Variants in IQGAP1 observed in about 807,000 individuals in gnomAD.
IQGAP1 encodes ras GTPase-activating-like protein IQGAP1.
In IQGAP1, 66 loss-of-function variants were observed where a neutral mutation model predicts 215.6. The observed-to-expected ratio is 0.31, with a 90% CI of 0.25 to 0.38. IQGAP1 has a LOEUF of 0.38. IQGAP1 is among the 10% of genes least tolerant of loss of function. The pLI is 1.00. For synonymous variants in IQGAP1, 772 were observed against 728.7 expected, an observed-to-expected ratio of 1.06 and a Z score of -0.96; for missense variants, 1,712 against 1,997.1, an observed-to-expected ratio of 0.86 and a Z score of 2.72.
chr15:90,393,393 C>A (rs1292041015), intron 2 of IQGAP1: 4 of 152,078 alleles, frequency 2.6e-5, no homozygotes, highest in Non-Finnish European at 5.9e-5. Flanking sequence ...CTTATCATAC[C>A]TGATCCAATG....
chr15:90,494,573 T>A (rs545583163), intron 35 of IQGAP1, 140 bp from the exon 36 acceptor site: 1 of 570,440 alleles, frequency 1.8e-6, no homozygotes, highest in Non-Finnish European at 3.0e-6. Context: ...TTCTAACATT[T>A]GTTTGCCATT....
In IQGAP1 at chr15:90,454,539, A is replaced by T. The variant is rs759291442; in HGVS notation, c.1599A>T (p.Gln533His). 6.3e-7 allele frequency: 1 copy of T among 1,585,636 alleles called. No homozygotes were observed. Among genetic ancestry groups the T allele is most frequent in the Non-Finnish European group, 8.6e-7 (1 of 1,167,492 alleles). ...ACVDHVNLVV[Q>H]EEHERILAIG... Reference sequence around the variant, plus strand: ...TGGACCATGTGAACCTGGTGGTGCAAGAGGAACATGAGAGTGAGTTATCTT... The same window carrying T: ...TGGACCATGTGAACCTGGTGGTGCATGAGGAACATGAGAGTGAGTTATCTT... Residue 533 changes from glutamine (Q) to histidine (H), a missense_variant, in exon 14 of 38, where the codon CAA becomes CAT. Coordinates refer to ENST00000268182, the MANE Select transcript of IQGAP1 (RefSeq NM_003870.4).
intron 2 of IQGAP1, among the ~76,000 whole-genome samples, chr15:90,414,998 G>C (rs1349085032): frequency 6.6e-6 from 1 of 152,164 alleles, no homozygotes; most frequent in East Asian, 1.9e-4. Context: ...TCGTTTTATA[G>C]AAGTGTTTGT....
intron 13 of IQGAP1, 30 bp downstream of exon 13, chr15:90,453,322 C>G: frequency 6.5e-7 from 1 of 1,549,716 alleles, no homozygotes; most frequent in Non-Finnish European, 8.8e-7. Flanking sequence ...GGAATAAATC[C>G]ATTACGTAGC....
intron 2 of IQGAP1, among the ~76,000 whole-genome samples, chr15:90,405,863 C>G (rs778974336): frequency 2.0e-5 from 3 of 151,092 alleles, no homozygotes; most frequent in Non-Finnish European, 4.4e-5. Context: ...TCTTCAGAGA[C>G]TATTTCAAAT....
intron 26 of IQGAP1, 96 bp from the exon 27 acceptor site, chr15:90,481,864 T>C: frequency 7.7e-7 from 1 of 1,295,454 alleles, no homozygotes; most frequent in Non-Finnish European, 1.1e-6. Context: ...TATCTAATAT[T>C]TCTGGGTCTT....
intron 33 of IQGAP1, among the ~76,000 whole-genome samples, chr15:90,488,621 C>A (rs1596292938): frequency 6.6e-6 from 1 of 152,040 alleles, no homozygotes; most frequent in African/African-American, 2.4e-5. Flanking sequence ...TCAAAATTAA[C>A]TATGTTACTG....
intron 26 of IQGAP1, among the ~76,000 whole-genome samples, chr15:90,480,671 T>G (rs1001738376): frequency 1.3e-5 from 2 of 152,142 alleles, no homozygotes; most frequent in African/African-American, 4.8e-5. Context: ...GTATTTTTCT[T>G]TTTGTTGTTG....
chr15:90,462,927 ACT>A (rs1369072186), intron 15 of IQGAP1, among the ~76,000 whole-genome samples: 3 of 152,014 alleles, frequency 2.0e-5, no homozygotes, highest in Non-Finnish European at 4.4e-5. Context: ...GGGCTTTAAC[ACT>A]CTGCTCAGTC....
chr15:90,429,826 G>T lies in IQGAP1; in HGVS notation c.390+160G>T, dbSNP rs571585211. The T allele has an allele frequency of 1.8e-5, 9 of 491,138 alleles. No homozygotes were observed. In the East Asian group the frequency reaches 3.0e-4, roughly 16 times the overall value. The allele number at this position is 491,138 out of a possible 1,614,324, so 30.4% of individuals were successfully genotyped here. On this transcript the variant is annotated intron_variant, in intron 4 of 37. Transcript: ENST00000268182. ...TCTTTTTGACTTAGGAAATAGTTTT[G>T]TTCTTTTTCTTTTATAATCCTCATA...
chr15:90,421,425 G>A (rs1965134240), intron 2 of IQGAP1, among the ~76,000 whole-genome samples: 1 of 149,310 alleles, frequency 6.7e-6, no homozygotes. Context: ...GCAGTGAGCT[G>A]ACATCATGCC....
intron 2 of IQGAP1, chr15:90,391,683 ATG>A (rs1964638187): frequency 6.6e-6 from 1 of 152,314 alleles, no homozygotes; most frequent in Non-Finnish European, 1.5e-5. Flanking sequence ...TGTGAAGTGA[ATG>A]TAAAGCTGCT....
chr15:90,474,863 A>G, intron 23 of IQGAP1, 170 bp downstream of exon 23: 1 of 593,146 alleles, frequency 1.7e-6, no homozygotes, highest in Non-Finnish European at 3.0e-6. Context: ...CCCAGGTTGT[A>G]GTGCGATGTG....
chr15:90,498,840 G>T (rs1326804117), intron 37 of IQGAP1, among the ~76,000 whole-genome samples: 1 of 141,598 alleles, frequency 7.1e-6, no homozygotes, highest in Non-Finnish European at 1.5e-5. Context: ...AGACAGTTTC[G>T]CTCTTATTGC....
chr15:90,415,527 T>C (rs1021498571), intron 2 of IQGAP1, among the ~76,000 whole-genome samples: 2 of 152,198 alleles, frequency 1.3e-5, no homozygotes, highest in African/African-American at 2.4e-5. Context: ...TTTTCTTTTT[T>C]AAAAAATTCT....
intron 18 of IQGAP1, among the ~76,000 whole-genome samples, chr15:90,468,048 T>TTTTG (rs113897373): frequency 0.41 from 60,777 of 149,754 alleles, 13,757 homozygotes; most frequent in African/African-American, 0.63. Context: ...ATTCAACAGT[T>TTTTG]TTTGTTTGTT....
intron 2 of IQGAP1, among the ~76,000 whole-genome samples, chr15:90,421,562 A>C (rs2151011926): frequency 1.3e-5 from 2 of 152,282 alleles, no homozygotes; most frequent in Middle Eastern, 6.8e-3. Flanking sequence ...AAGTGTAATA[A>C]AATAATTTAA....
intron 4 of IQGAP1, among the ~76,000 whole-genome samples, chr15:90,431,653 A>T (rs1965305076): frequency 6.6e-6 from 1 of 150,694 alleles, no homozygotes; most frequent in South Asian, 2.1e-4. Flanking sequence ...ACAACTTGAT[A>T]ATCATGGCTG....
In IQGAP1 at chr15:90,466,035, A is replaced by G; in HGVS notation, c.1811A>G (p.Asp604Gly). 6.2e-7 allele frequency: 1 copy of G among 1,614,142 alleles called. No individual in the cohort carries two copies. Among genetic ancestry groups the G allele is most frequent in the South Asian group, 1.1e-5 (1 of 91,084 alleles). Residue 604 changes from aspartate (D) to glycine (G), a missense_variant, in exon 16 of 38, where the codon GAT (aspartate) becomes GGT (glycine). Asp to Gly is a moderately conservative substitution (Grantham distance 94, BLOSUM62 -1). Transcript: ENST00000268182. ...IQDESAVLWL[D>G]EIQGGIWQSN... Reference sequence around the variant, plus strand: ...GATGAGTCAGCTGTGTTATGGTTGGATGAAATTCAAGGTGGAATCTGGCAG... The same window carrying G: ...GATGAGTCAGCTGTGTTATGGTTGGGTGAAATTCAAGGTGGAATCTGGCAG...
Sources: gnomAD v4.1 joint callset for allele counts (sites outside exome capture counted in the v4.1 genomes callset) on GRCh38, gnomAD v4.1.1 for gene constraint, MANE v1.5 for transcripts, NCBI Gene and HGNC (gene_info 2026-07-23, HGNC 2026-07-21) for gene names.